RALA: variants seen among roughly 807,000 people sequenced by gnomAD.
RALA encodes ras-related protein Ral-A.
Under a neutral mutation model 24.0 loss-of-function variants are expected in RALA, and 5 were observed. The ratio of observed to expected loss-of-function variants is 0.21; its 90% CI spans 0.11 to 0.44. The LOEUF (loss-of-function observed/expected upper bound fraction) is 0.44. Among genes scored for constraint, RALA ranks in the 20% least tolerant of loss-of-function variants. The pLI is 0.99. For missense variants in RALA, 95 were observed against 241.2 expected (o/e 0.39, Z 4.01); for synonymous variants, 77 against 83.8 (o/e 0.92, Z 0.44).
At chr7:39,676,675 G>A (rs1792492088) in intron 1 of RALA, among the ~76,000 whole-genome samples, 1 of 152,162 alleles carries the variant, frequency 6.6e-6, no homozygotes, top group Non-Finnish European at 1.5e-5. Flanking sequence ...AATGAATTCT[G>A]GACATACAAA....
At chr7:39,672,857 A>G (rs1218056563) in intron 1 of RALA, among the ~76,000 whole-genome samples, 1 of 152,208 alleles carries the variant, frequency 6.6e-6, no homozygotes, top group Non-Finnish European at 1.5e-5. Context: ...TTTTTGGGGT[A>G]ATGGAAATGT....
chr7:39,702,148 A>G lies in RALA; in HGVS notation c.499-3975A>G, dbSNP rs568004591. 1.1e-4 allele frequency among the ~76,000 whole-genome samples: 17 copies of G among 152,322 alleles called. No individual in the cohort carries two copies. The East Asian group carries it at 2.5e-3, about 22-fold the overall frequency. On this transcript the variant is annotated intron_variant, in intron 4 of 4. Coordinates refer to ENST00000005257, the MANE Select transcript of RALA (RefSeq NM_005402.4). The stretch of plus-strand genomic sequence containing the variant: ...TGGGTTTTTTCATTGTATAAGTAAT[A>G]CATGGATACATGCTTATATAAAGAA...
chr7:39,696,049 A>G (rs1337437259), intron 3 of RALA, among the ~76,000 whole-genome samples: 2 of 152,228 alleles, frequency 1.3e-5, no homozygotes, highest in African/African-American at 4.8e-5. Context: ...TGAGGTAAGA[A>G]GTACTTTGCA....
chr7:39,663,554 T>C (rs75423544), intron 1 of RALA, among the ~76,000 whole-genome samples: 9,761 of 151,856 alleles, frequency 0.064, 392 homozygotes, highest in Non-Finnish European at 0.087. Flanking sequence ...TTGCCTGATA[T>C]GTACCATAGA....
chr7:39,699,121 ATT>A (rs71560137), intron 4 of RALA, among the ~76,000 whole-genome samples: 48 of 61,348 alleles, frequency 7.8e-4, no homozygotes, highest in East Asian at 5.8e-3. Flanking sequence ...TAAAAATGTT[ATT>A]TTTTTTTTTT....
At chr7:39,663,094 T>C (rs917608607) in intron 1 of RALA, among the ~76,000 whole-genome samples, 11 of 152,102 alleles carry the variant, frequency 7.2e-5, no homozygotes, top group African/African-American at 2.4e-4. Flanking sequence ...GATTCAGTTG[T>C]CTCCCACTGA....
chr7:39,692,142 C>T (rs567764581), intron 3 of RALA, among the ~76,000 whole-genome samples: 52 of 152,260 alleles, frequency 3.4e-4, no homozygotes, highest in South Asian at 2.5e-3. Context: ...GGGCACTCCA[C>T]GTGGTCTAAA....
intron 4 of RALA, among the ~76,000 whole-genome samples, chr7:39,698,618 T>C (rs1792962888): frequency 6.6e-6 from 1 of 152,208 alleles, no homozygotes; most frequent in African/African-American, 2.4e-5. Flanking sequence ...ATAGCATATA[T>C]ATACTTTTCT....
rs1483352567 is a variant in RALA, at chr7:39,707,678, A to G, written c.*1433A>G. 6.6e-6 allele frequency: 1 copy of G among 152,458 alleles called. No homozygotes were observed. The highest frequency in any genetic ancestry group is 6.6e-5 in the Admixed American group (1 of 15,244). 9.4% of individuals were successfully genotyped at this position (152,458 alleles called of 1,614,324 possible). ...TATTTTTTTCTTTTTTCTCAGTCCT[A>G]ATTTGAACAGGTCAAAGATGTGTTC... is the stretch of plus-strand genomic sequence containing the variant. On this transcript the variant is annotated 3_prime_UTR_variant, in exon 5 of 5. Coordinates refer to ENST00000005257, the MANE Select transcript of RALA (RefSeq NM_005402.4).
At chr7:39,665,982 TA>T (rs1278369929) in intron 1 of RALA, among the ~76,000 whole-genome samples, 1 of 152,184 alleles carries the variant, frequency 6.6e-6, no homozygotes, top group Non-Finnish European at 1.5e-5. Context: ...TTTCATGAGA[TA>T]ATTAAGTACG....
intron 4 of RALA, chr7:39,703,231 C>T (rs952301253): frequency 2.0e-5 from 3 of 152,132 alleles, no homozygotes; most frequent in Non-Finnish European, 4.4e-5. Context: ...CCAATAATTA[C>T]ATTTAGTCAG....
Position 39,635,932 on chromosome 7 carries a change from T to A in RALA, c.-38+12107T>A, listed in dbSNP as rs1206387972. Reference sequence around the variant, plus strand: ...CTACAGACTTGCCTATTCCAGATAATTTTTGGATTCCATAAATGGAGTCAT... The same window carrying A: ...CTACAGACTTGCCTATTCCAGATAAATTTTGGATTCCATAAATGGAGTCAT... On this transcript the variant is annotated intron_variant, in intron 1 of 4. Transcript: ENST00000005257. Among the ~76,000 whole-genome samples the A allele has an allele frequency of 2.6e-5, 4 of 152,306 alleles. No individual in the cohort carries two copies. The East Asian group carries it at 7.7e-4, about 29-fold the overall frequency.
At chr7:39,663,057 G>A (rs1792221101) in intron 1 of RALA, among the ~76,000 whole-genome samples, 1 of 152,148 alleles carries the variant, frequency 6.6e-6, no homozygotes, top group Admixed American at 6.5e-5. Flanking sequence ...ACTACCATAA[G>A]AATAGTGTGG....
At chr7:39,656,378 TTGTC>T (rs1562613415) in intron 1 of RALA, among the ~76,000 whole-genome samples, 1 of 152,240 alleles carries the variant, frequency 6.6e-6, no homozygotes, top group East Asian at 1.9e-4. Context: ...AGCATTTTAT[TTGTC>T]TTTCTTTCAA....
chr7:39,638,683 G>A (rs1365544880), intron 1 of RALA, among the ~76,000 whole-genome samples: 1 of 152,200 alleles, frequency 6.6e-6, no homozygotes, highest in African/African-American at 2.4e-5. Context: ...CTGGGCTCAA[G>A]CAGTCCTCCC....
intron 1 of RALA, among the ~76,000 whole-genome samples, chr7:39,649,358 T>C (rs1791979994): frequency 6.6e-6 from 1 of 152,216 alleles, no homozygotes; most frequent in Non-Finnish European, 1.5e-5. Context: ...GTTTGAATGT[T>C]TGTGTTGCCT....
chr7:39,628,777 G>A (rs181141274), intron 1 of RALA, among the ~76,000 whole-genome samples: 25 of 151,888 alleles, frequency 1.6e-4, no homozygotes, highest in Admixed American at 1.4e-3. Context: ...GGCTGGTCTC[G>A]AACTCCTGAC....
chr7:39,700,938 T>C (rs1218242688), intron 4 of RALA: 1 of 152,200 alleles, frequency 6.6e-6, no homozygotes, highest in African/African-American at 2.4e-5. Context: ...TATACTTGTG[T>C]TTGTGGTTGT....
chr7:39,667,002 C>T (rs1792296690), intron 1 of RALA, among the ~76,000 whole-genome samples: 1 of 152,142 alleles, frequency 6.6e-6, no homozygotes, highest in Non-Finnish European at 1.5e-5. Flanking sequence ...TGTAGCAGTT[C>T]AGACCATTAG....
Sources: gnomAD v4.1 joint callset for allele counts (sites outside exome capture counted in the v4.1 genomes callset) on GRCh38, gnomAD v4.1.1 for gene constraint, MANE v1.5 for transcripts, NCBI Gene and HGNC (gene_info 2026-07-23, HGNC 2026-07-21) for gene names.